The following PCDHGB5 variants were observed in gnomAD, a reference collection of about 807,000 sequenced individuals.
The protein encoded by PCDHGB5 is protocadherin gamma-B5.
A neutral mutation model predicts 62.9 loss-of-function variants in PCDHGB5; 48 were observed. That is an observed-to-expected ratio of 0.76 (90% CI 0.61 to 0.97). The LOEUF is 0.97. PCDHGB5 is among the 50% of genes least tolerant of loss of function. The pLI, the probability that PCDHGB5 is intolerant of heterozygous loss-of-function variation, is 0.00. For synonymous variants in PCDHGB5, 474 were observed against 511.2 expected (o/e 0.93, Z 0.98); for missense variants, 1,118 against 1,198.6 (o/e 0.93, Z 0.99).
At chr5:141,446,894 A>C (rs1413761456) in intron 1 of PCDHGB5, among the ~76,000 whole-genome samples, 3 of 152,118 alleles carry the variant, frequency 2.0e-5, no homozygotes, top group Non-Finnish European at 2.9e-5. Flanking sequence ...TTCATGGCTG[A>C]GCTACTTTTG....
chr5:141,444,897 G>T (rs1445334623), intron 1 of PCDHGB5, among the ~76,000 whole-genome samples: 1 of 152,274 alleles, frequency 6.6e-6, no homozygotes, highest in African/African-American at 2.4e-5. Flanking sequence ...GAATGGGATG[G>T]CATTGCATCT....
chr5:141,480,240 C>CAA (rs11374694), intron 1 of PCDHGB5, among the ~76,000 whole-genome samples: 156 of 114,060 alleles, frequency 1.4e-3, no homozygotes, highest in Admixed American at 4.6e-3. Flanking sequence ...CCTGTCTCTA[C>CAA]AAAAAAAAAA....
chr5:141,497,237 T>C (rs933112169), intron 2 of PCDHGB5, among the ~76,000 whole-genome samples: 3 of 152,038 alleles, frequency 2.0e-5, no homozygotes, highest in Non-Finnish European at 4.4e-5. Context: ...AGAAGGCTTC[T>C]AGGAGGAGGT....
At chr5:141,470,723 G>T (rs1326927605) in intron 1 of PCDHGB5, among the ~76,000 whole-genome samples, 1 of 151,852 alleles carries the variant, frequency 6.6e-6, no homozygotes, top group East Asian at 1.9e-4. Flanking sequence ...TTTGAGTCAG[G>T]GTCTTGCTCT....
At chr5:141,413,148 CTT>C (rs2095608671) in intron 1 of PCDHGB5, 2 of 1,570,414 alleles carry the variant, frequency 1.3e-6, no homozygotes, top group South Asian at 1.2e-5. Flanking sequence ...CCAGTGAGGA[CTT>C]TGCAGAATTC....
intron 1 of PCDHGB5, chr5:141,412,932 T>A: frequency 2.2e-6 from 1 of 453,328 alleles, no homozygotes; most frequent in Non-Finnish European, 3.9e-6. Flanking sequence ...AGTAACTTCT[T>A]AGGACTCTGA....
intron 1 of PCDHGB5, chr5:141,409,534 C>A (rs774144232): frequency 3.1e-6 from 5 of 1,613,986 alleles, no homozygotes; most frequent in Non-Finnish European, 4.2e-6. Flanking sequence ...ATGTCGCTGA[C>A]ATCAACGACA....
Position 141,491,103 on chromosome 5 carries a change from G to T in PCDHGB5, c.2398-3704G>T, listed in dbSNP as rs1190609518. The T allele has an allele frequency of 6.2e-7, 1 of 1,614,162 alleles. No individual in the cohort carries two copies. ...CCACAGCCCCAGGACTGTTCCTCGT[G>T]TCTACACACACTGGTGAGGTGCGCA... On this transcript the variant is annotated intron_variant, in intron 1 of 3. Coordinates refer to ENST00000617380, the MANE Select transcript of PCDHGB5 (RefSeq NM_018925.3). The surrounding 1 kb of genome is among the most constrained non-coding windows in gnomAD (Gnocchi z 6.9).
chr5:141,421,498 A>T (rs1303740754), intron 1 of PCDHGB5: 2 of 1,613,952 alleles, frequency 1.2e-6, no homozygotes, highest in African/African-American at 1.3e-5. Context: ...GGCAGGCAGG[A>T]TAGACCGGGA....
intron 1 of PCDHGB5, chr5:141,440,019 G>A (rs747595475): frequency 6.5e-5 from 10 of 153,114 alleles, no homozygotes; most frequent in Non-Finnish European, 8.8e-5. Flanking sequence ...AAGGATCTGG[G>A]ACTCAGTGTC....
intron 1 of PCDHGB5, chr5:141,404,217 T>C (rs1188874623): frequency 6.2e-7 from 1 of 1,613,588 alleles, no homozygotes; most frequent in Non-Finnish European, 8.5e-7. Context: ...AATATCACGG[T>C]GACTGCAACA....
At chr5:141,408,271 T>A in intron 1 of PCDHGB5, 23 of 1,610,976 alleles carry the variant, frequency 1.4e-5, no homozygotes, top group Non-Finnish European at 1.9e-5. Context: ...TGCTGCTGCC[T>A]TTGTTCTACC....
rs554119295 is a variant in PCDHGB5 at position 141,482,963 on chromosome 5, C to T, written c.2398-11844C>T. 1.7e-4 allele frequency among the ~76,000 whole-genome samples: 10 copies of T among 57,958 alleles called. No homozygotes were observed. In the South Asian group the frequency reaches 4.5e-3, roughly 26 times the overall value. 38.0% of individuals were successfully genotyped at this position (57,958 alleles called of 152,430 possible). On this transcript the variant is annotated intron_variant, in intron 1 of 3. Coordinates refer to ENST00000617380, the MANE Select transcript of PCDHGB5 (RefSeq NM_018925.3). The stretch of plus-strand genomic sequence containing the variant: ...TTGTGGGTGCCTGTAATTCCAGCTA[C>T]TTGAGCAGCTACTTGAGAGGTCGAG...
At chr5:141,495,270 G>A (rs1428903664) in intron 2 of PCDHGB5, among the ~76,000 whole-genome samples, 1 of 152,178 alleles carries the variant, frequency 6.6e-6, no homozygotes, top group African/African-American at 2.4e-5. Context: ...GCATTTGACC[G>A]GAGGAGGCGG....
Position 141,399,620 on chromosome 5 carries a change from C to T in PCDHGB5, c.1493C>T (p.Ala498Val). The change falls in exon 1 of 4, where the codon GCC becomes GTC. Residue 498 changes from alanine (A) to valine (V), a missense_variant. By Grantham distance (64) the Ala-to-Val change is moderately conservative. Around this residue, in one of 2 missense-constraint regions of PCDHGB5, gnomAD observed 1,034 missense variants for 1,029.1 expected, o/e 1.00. Transcript: ENST00000617380. ...AGCGACCTAGAGCCTCTGGCACTGG[C>T]CTCTTACGTGTCCATGAGCGCGCAA... ...MASDLEPLAL[A>V]SYVSMSAQSG... 6.2e-7 allele frequency: 1 copy of T among 1,613,940 alleles called. No individual in the cohort carries two copies. The highest frequency in any genetic ancestry group is 8.5e-7 in the Non-Finnish European group (1 of 1,179,888).
chr5:141,414,351 G>C (rs771256149), intron 1 of PCDHGB5: 2 of 1,613,676 alleles, frequency 1.2e-6, no homozygotes, highest in Non-Finnish European at 1.7e-6. Context: ...CCATTTTGGC[G>C]TATCTACCAT....
intron 2 of PCDHGB5, among the ~76,000 whole-genome samples, chr5:141,495,521 C>G (rs1385879589): frequency 6.6e-6 from 1 of 152,144 alleles, no homozygotes; most frequent in Non-Finnish European, 1.5e-5. Flanking sequence ...TTTCTCTTAC[C>G]TCTCAGTCCT....
chr5:141,437,741 CTTT>C (rs35124340), intron 1 of PCDHGB5, among the ~76,000 whole-genome samples: 1 of 141,708 alleles, frequency 7.1e-6, no homozygotes. Context: ...TTGAGTTCAC[CTTT>C]TTTTTTTTTT....
chr5:141,496,888 T>TA (rs35063790), intron 2 of PCDHGB5, among the ~76,000 whole-genome samples: 34,968 of 133,936 alleles, frequency 0.26, 4,377 homozygotes, highest in Admixed American at 0.34. Flanking sequence ...AAGTAACACT[T>TA]AAAAAAAAAA....
Sources: gnomAD v4.1 joint callset for allele counts (sites outside exome capture counted in the v4.1 genomes callset) on GRCh38, gnomAD v4.1.1 for gene constraint, gnomAD v4.1.1 regional missense constraint, Gnocchi (gnomAD v3.1) non-coding constraint, MANE v1.5 for transcripts, NCBI Gene and HGNC (gene_info 2026-07-23, HGNC 2026-07-21) for gene names.